Variants in SPTLC3 observed in about 807,000 individuals in gnomAD.
SPTLC3 encodes serine palmitoyltransferase long chain base subunit 3.
A neutral mutation model predicts 59.3 loss-of-function variants in SPTLC3; 36 were observed. The ratio of observed to expected loss-of-function variants is 0.61; its 90% CI spans 0.47 to 0.80. The LOEUF is 0.80. Ranked by LOEUF, SPTLC3 falls within the 30% of genes least tolerant of loss-of-function variation. The pLI is 0.00. For missense variants in SPTLC3, 625 were observed against 685.1 expected (o/e 0.91, Z 0.98); for synonymous variants, 257 against 240.8 (o/e 1.07, Z -0.62).
At chr20:13,092,116 G>C (rs6134785) in intron 5 of SPTLC3, among the ~76,000 whole-genome samples, 25,601 of 152,198 alleles carry the variant, frequency 0.17, 2,655 homozygotes, top group Middle Eastern at 0.29. Flanking sequence ...AAAGTGGTGA[G>C]AGGAGAACAG....
intron 6 of SPTLC3, among the ~76,000 whole-genome samples, chr20:13,106,161 G>A (rs1233025693): frequency 6.6e-6 from 1 of 152,184 alleles, no homozygotes; most frequent in Non-Finnish European, 1.5e-5. Context: ...GCAGGTAGGA[G>A]ATATTTATCT....
intron 2 of SPTLC3, among the ~76,000 whole-genome samples, chr20:13,057,395 T>C (rs1298965335): frequency 6.6e-6 from 1 of 152,238 alleles, no homozygotes; most frequent in Admixed American, 6.5e-5. Flanking sequence ...TTTCCTTTTC[T>C]TAATCAAATA....
At chr20:13,082,121 G>C (rs1321648656) in intron 4 of SPTLC3, among the ~76,000 whole-genome samples, 1 of 152,188 alleles carries the variant, frequency 6.6e-6, no homozygotes, top group Non-Finnish European at 1.5e-5. Context: ...TTTTACATAA[G>C]TATAATACTT....
rs539273901 is a variant in SPTLC3, at chr20:13,125,552, T to C, written c.1153-1039T>C. 3.3e-5 allele frequency among the ~76,000 whole-genome samples: 5 copies of C among 152,280 alleles called. No individual in the cohort carries two copies. In the East Asian group the frequency reaches 7.7e-4, roughly 24 times the overall value. On this transcript the variant is annotated intron_variant, in intron 8 of 11. Transcript: ENST00000399002. ...AGCTTAAAACTCTGCCCATCAACAATGTGGGCTGGGCTCAGCTAAGGAGTT... is the reference window on the plus strand; with the variant it reads ...AGCTTAAAACTCTGCCCATCAACAACGTGGGCTGGGCTCAGCTAAGGAGTT...
intron 9 of SPTLC3, among the ~76,000 whole-genome samples, chr20:13,136,546 G>A (rs2038247991): frequency 1.3e-5 from 2 of 151,236 alleles, no homozygotes; most frequent in Non-Finnish European, 2.9e-5. Flanking sequence ...GTTGCAGTGA[G>A]ATTAAATCGA....
At chr20:13,041,868 A>G (rs1986997068) in intron 1 of SPTLC3, among the ~76,000 whole-genome samples, 1 of 152,108 alleles carries the variant, frequency 6.6e-6, no homozygotes, top group African/African-American at 2.4e-5. Flanking sequence ...TGCAGACTTC[A>G]GCATGTCATT....
chr20:13,063,862 AC>A (rs1168881153), intron 2 of SPTLC3, among the ~76,000 whole-genome samples: 1 of 151,662 alleles, frequency 6.6e-6, no homozygotes, highest in African/African-American at 2.4e-5. Flanking sequence ...CTCCATGTTG[AC>A]CAGGCTGGTT....
chr20:13,118,469 A>AC (rs1990712131), intron 8 of SPTLC3, among the ~76,000 whole-genome samples: 1 of 151,580 alleles, frequency 6.6e-6, no homozygotes, highest in African/African-American at 2.4e-5. Context: ...ACAAAAAAAA[A>AC]CAATAAATAT....
At chr20:13,041,107 G>A (rs1398307863) in intron 1 of SPTLC3, among the ~76,000 whole-genome samples, 1 of 151,980 alleles carries the variant, frequency 6.6e-6, no homozygotes, top group African/African-American at 2.4e-5. Context: ...GCTTCCATAG[G>A]TATGATTAAT....
intron 8 of SPTLC3, among the ~76,000 whole-genome samples, chr20:13,122,670 A>C (rs951146368): frequency 3.3e-5 from 5 of 152,248 alleles, no homozygotes; most frequent in Non-Finnish European, 7.3e-5. Flanking sequence ...TAATGCATAC[A>C]AAGTTCTTAA....
chr20:13,122,190 A>G (rs2037882316), intron 8 of SPTLC3, among the ~76,000 whole-genome samples: 1 of 152,220 alleles, frequency 6.6e-6, no homozygotes, highest in African/African-American at 2.4e-5. Flanking sequence ...GGTATCCACC[A>G]CTATGGATTT....
intron 1 of SPTLC3, among the ~76,000 whole-genome samples, chr20:13,016,683 T>A (rs1340371872): frequency 1.3e-5 from 2 of 152,182 alleles, no homozygotes; most frequent in Non-Finnish European, 2.9e-5. Flanking sequence ...AAGGTATCAA[T>A]AATATACTTT....
intron 2 of SPTLC3, among the ~76,000 whole-genome samples, chr20:13,061,051 T>G (rs557315387): frequency 6.6e-6 from 1 of 152,326 alleles, no homozygotes; most frequent in South Asian, 2.1e-4. Flanking sequence ...CCATAGAAGT[T>G]GTACTAATTT....
intron 4 of SPTLC3, among the ~76,000 whole-genome samples, chr20:13,083,846 C>G (rs773365162): frequency 3.3e-5 from 5 of 152,178 alleles, no homozygotes; most frequent in Admixed American, 2.0e-4. Context: ...CACAACCACA[C>G]TGGTCAACAC....
chr20:13,152,955 C>T (rs2038682573), intron 9 of SPTLC3, among the ~76,000 whole-genome samples: 1 of 152,276 alleles, frequency 6.6e-6, no homozygotes, highest in Admixed American at 6.5e-5. Flanking sequence ...ATTGTATAAC[C>T]TCTAGAGCAG....
intron 6 of SPTLC3, among the ~76,000 whole-genome samples, chr20:13,099,202 A>C (rs1269823550): frequency 6.6e-6 from 1 of 152,184 alleles, no homozygotes; most frequent in Non-Finnish European, 1.5e-5. Flanking sequence ...GGATCAGGGC[A>C]ATGCAATGTG....
At chr20:13,164,341 C>G (rs1325926752) in intron 11 of SPTLC3, 1 of 471,982 alleles carries the variant, frequency 2.1e-6, no homozygotes, top group South Asian at 1.5e-5. Context: ...CAACATTCCT[C>G]TTTGTTCTTG....
At chr20:13,140,113 C>T (rs1018663358) in intron 9 of SPTLC3, among the ~76,000 whole-genome samples, 4 of 152,076 alleles carry the variant, frequency 2.6e-5, no homozygotes, top group African/African-American at 9.7e-5. Context: ...ATTGGAGTAG[C>T]TCTGGAAGTC....
At chr20:13,164,055 TC>T (rs1315394363) in intron 11 of SPTLC3, among the ~76,000 whole-genome samples, 4 of 151,718 alleles carry the variant, frequency 2.6e-5, no homozygotes, top group African/African-American at 4.8e-5. Flanking sequence ...CCCTCCCCAC[TC>T]CCCCCATCCC....
Sources: allele counts gnomAD v4.1 joint callset (sites outside exome capture counted in the v4.1 genomes callset), GRCh38; gene constraint gnomAD v4.1.1; transcripts MANE v1.5; gene names NCBI Gene and HGNC (gene_info 2026-07-23, HGNC 2026-07-21).